The following CSNK2A1 variants were observed in gnomAD, a reference collection of about 807,000 sequenced individuals.
CSNK2A1 encodes casein kinase 2 alpha 1.
A neutral mutation model predicts 62.9 loss-of-function variants in CSNK2A1; 10 were observed. The observed-to-expected ratio is 0.16, with a 90% confidence interval of 0.10 to 0.27. The LOEUF is 0.27. Ranked by LOEUF, CSNK2A1 falls within the 10% of genes least tolerant of loss-of-function variation. The probability of loss-of-function intolerance (pLI) is 1.00; values close to 1 mark genes in which losing one functional copy is unlikely to be tolerated. For synonymous variants in CSNK2A1, 124 were observed against 167.8 expected, an observed-to-expected ratio of 0.74 and a Z score of 2.02; for missense variants, 160 against 492.0, an observed-to-expected ratio of 0.33 and a Z score of 6.38.
chr20:528,989 T>C (rs1047102995), intron 1 of CSNK2A1, among the ~76,000 whole-genome samples: 4 of 152,178 alleles, frequency 2.6e-5, no homozygotes, highest in Non-Finnish European at 4.4e-5. Flanking sequence ...TCAACTGCAG[T>C]CTGAAAATAT....
chr20:486,951 C>T (rs1022228351), intron 12 of CSNK2A1: 2 of 182,258 alleles, frequency 1.1e-5, no homozygotes, highest in Non-Finnish European at 1.2e-5. Flanking sequence ...ACCATCACAC[C>T]GAAGGAAAAA....
intron 1 of CSNK2A1, among the ~76,000 whole-genome samples, chr20:537,722 A>G (rs1185464028): frequency 6.6e-6 from 1 of 152,232 alleles, no homozygotes; most frequent in Admixed American, 6.5e-5. Context: ...ATTCAGGTAT[A>G]AGAACACATT....
intron 9 of CSNK2A1, 115 bp from the exon 10 acceptor site, chr20:489,996 A>C: frequency 2.7e-6 from 2 of 736,534 alleles, no homozygotes; most frequent in Non-Finnish European, 4.1e-6. Flanking sequence ...CAAAATCAAA[A>C]CACTAATAAC....
At chr20:487,606 G>C in intron 11 of CSNK2A1, 31 bp from the exon 12 acceptor site, 1 of 1,613,496 alleles carries the variant, frequency 6.2e-7, no homozygotes, top group Non-Finnish European at 8.5e-7. Flanking sequence ...ATGAGAAATG[G>C]GCCACGTGGG....
At chr20:521,834 T>C (rs1043980070) in intron 2 of CSNK2A1, among the ~76,000 whole-genome samples, 8 of 152,196 alleles carry the variant, frequency 5.3e-5, no homozygotes, top group African/African-American at 1.9e-4. Flanking sequence ...AGTAATCCTT[T>C]GGCTTCAGTC....
intron 3 of CSNK2A1, chr20:505,909 C>G (rs1477052961): frequency 6.6e-5 from 8 of 121,556 alleles, no homozygotes; most frequent in African/African-American, 2.6e-4. Context: ...GAGTCTTGCT[C>G]TGTCGCCCAG....
intron 8 of CSNK2A1, chr20:494,471 T>C (rs530492834): frequency 6.6e-6 from 1 of 152,342 alleles, no homozygotes; most frequent in Non-Finnish European, 1.5e-5. Flanking sequence ...CAACCAACTA[T>C]AAAACAATAG....
rs2017902474 is a variant in CSNK2A1, at chr20:478,900, C to CCAAG, written c.*5060_*5061insCTTG. The stretch of plus-strand genomic sequence containing the variant: ...TGTGATGGCGCTACTGCACTCTAGC[C>CCAAG]TGGGTAACAGAGCAAGACCCGTATC... On this transcript the variant is annotated 3_prime_UTR_variant, in exon 14 of 14. Coordinates refer to ENST00000217244, the MANE Select transcript of CSNK2A1 (RefSeq NM_177559.3). 5.1e-6 allele frequency: 1 copy of CCAAG among 197,556 alleles called. No individual in the cohort carries two copies. The highest frequency in any genetic ancestry group is 1.1e-5 in the Non-Finnish European group (1 of 92,796). The allele number at this position is 197,556 out of a possible 1,614,324, so 12.2% of individuals were successfully genotyped here. A position where few individuals can be genotyped will look rare whatever the true frequency, so the allele number is the denominator to read the frequency against.
chr20:499,773 T>C lies in CSNK2A1; in HGVS notation c.315+60A>G. On this transcript the variant is annotated intron_variant, in intron 5 of 13. Coordinates refer to ENST00000217244, the MANE Select transcript of CSNK2A1 (RefSeq NM_177559.3). The surrounding 1 kb of genome is among the most constrained non-coding windows in gnomAD (Gnocchi z 4.2). ...GGAGGGAACAAAAAGAGGCCAGTTG[T>C]GCTCCAGGTCAAACACCATCTCAGC... The C allele has an allele frequency of 5.3e-6, 8 of 1,523,128 alleles. No individual in the cohort carries two copies. Among genetic ancestry groups the C allele is most frequent in the Non-Finnish European group, 7.3e-6 (8 of 1,101,068 alleles). The allele number at this position is 1,523,128 out of a possible 1,614,324, so 94.4% of individuals were successfully genotyped here.
intron 3 of CSNK2A1, chr20:507,386 C>T (rs1764738704): frequency 6.6e-6 from 1 of 152,226 alleles, no homozygotes; most frequent in Non-Finnish European, 1.5e-5. Flanking sequence ...ATATAAAATA[C>T]AGCATACAGG....
At chr20:530,250 C>G (rs919869518) in intron 1 of CSNK2A1, among the ~76,000 whole-genome samples, 7 of 152,148 alleles carry the variant, frequency 4.6e-5, no homozygotes, top group Non-Finnish European at 8.8e-5. Context: ...TGGAATCATG[C>G]AATATGTGGC....
chr20:521,102 G>A (rs1346574504), intron 2 of CSNK2A1, among the ~76,000 whole-genome samples: 2 of 152,150 alleles, frequency 1.3e-5, no homozygotes, highest in African/African-American at 2.4e-5. Flanking sequence ...CTTCATCAAC[G>A]TTAAAATATT....
chr20:541,347 G>A (rs2019445040), intron 1 of CSNK2A1, among the ~76,000 whole-genome samples: 1 of 152,114 alleles, frequency 6.6e-6, no homozygotes, highest in South Asian at 2.1e-4. Context: ...ATGGCACCTT[G>A]GGAAGAGGGA....
rs990145224 is a variant in CSNK2A1, at chr20:473,019, TAAAAAAA to T, written c.*10935_*10941del. On this transcript the variant is annotated 3_prime_UTR_variant, in exon 14 of 14. Transcript: ENST00000217244. The stretch of plus-strand genomic sequence containing the variant: ...CAAGACCTTGTCTCTAAAAAGTAAA[TAAAAAAA>T]AGAGTTGGGCTAGGTTTGAGGTTTA... The T allele has an allele frequency of 6.6e-6, 1 of 152,044 alleles. No homozygotes were observed. Among genetic ancestry groups the T allele is most frequent in the East Asian group, 1.9e-4 (1 of 5,156 alleles). The allele number at this position is 152,044 out of a possible 1,614,324, so 9.4% of individuals were successfully genotyped here.
chr20:493,754 C>A (rs1220646940), intron 8 of CSNK2A1, among the ~76,000 whole-genome samples: 1 of 152,160 alleles, frequency 6.6e-6, no homozygotes, highest in African/African-American at 2.4e-5. Context: ...GTTCCATCAC[C>A]ACACACATGT....
intron 4 of CSNK2A1, chr20:503,264 C>A (rs1170906718): frequency 8.0e-6 from 3 of 376,306 alleles, no homozygotes; most frequent in Admixed American, 9.1e-5. Context: ...CCCACTTTAG[C>A]CCCTCGAGGA....
At chr20:534,989 G>A (rs1247087611) in intron 1 of CSNK2A1, among the ~76,000 whole-genome samples, 5 of 141,854 alleles carry the variant, frequency 3.5e-5, no homozygotes, top group African/African-American at 8.0e-5. Context: ...AGCCAAGGTC[G>A]TGCCACTGCA....
At chr20:497,990 A>T in intron 6 of CSNK2A1, 1 of 491,016 alleles carries the variant, frequency 2.0e-6, no homozygotes, top group Middle Eastern at 5.7e-4. Flanking sequence ...ACTTAAACAT[A>T]TATTGCGGAA....
In CSNK2A1 at chr20:506,528, C is replaced by G. The variant is rs534816490; in HGVS notation, c.102-1299G>C. ...GAAATGCCAACATTTTCCTCCTGCC[C>G]CTGCCTGCTTCCAATGTAGAGCGCT... On this transcript the variant is annotated intron_variant, in intron 3 of 13. Coordinates refer to ENST00000217244, the MANE Select transcript of CSNK2A1 (RefSeq NM_177559.3). The G allele has an allele frequency of 2.0e-5, 3 of 152,238 alleles. No homozygotes were observed. In the East Asian group the frequency reaches 5.8e-4, roughly 29 times the overall value. The allele number at this position is 152,238 out of a possible 1,614,324, so 9.4% of individuals were successfully genotyped here. A position where few individuals can be genotyped will look rare whatever the true frequency, so the allele number is the denominator to read the frequency against.
Sources: allele counts gnomAD v4.1 joint callset (sites outside exome capture counted in the v4.1 genomes callset), GRCh38; gene constraint gnomAD v4.1.1; non-coding constraint Gnocchi (gnomAD v3.1); transcripts MANE v1.5; gene names NCBI Gene and HGNC (gene_info 2026-07-23, HGNC 2026-07-21).